DLG2: variants seen among roughly 807,000 people sequenced by gnomAD.
DLG2 encodes the protein disks large homolog 2.
A neutral mutation model predicts 132.5 loss-of-function variants in DLG2; 45 were observed. That is an observed-to-expected ratio of 0.34 (90% confidence interval 0.27 to 0.44). The LOEUF (loss-of-function observed/expected upper bound fraction) is 0.44, where lower values mean the gene tolerates loss of function less well. Among genes scored for constraint, DLG2 ranks in the 20% least tolerant of loss-of-function variants. DLG2 has a pLI of 1.00. For synonymous variants in DLG2, 424 were observed against 419.6 expected (o/e 1.01, Z -0.13); for missense variants, 1,045 against 1,196.9 (o/e 0.87, Z 1.87).
chr11:84,616,904 T>A (rs1222783366), intron 6 of DLG2, among the ~76,000 whole-genome samples: 1 of 151,908 alleles, frequency 6.6e-6, no homozygotes, highest in Non-Finnish European at 1.5e-5. Flanking sequence ...ACAGGAAAGG[T>A]AAATAATTTT....
At chr11:85,288,139 A>G (rs74397161) in intron 3 of DLG2, among the ~76,000 whole-genome samples, 8,437 of 152,132 alleles carry the variant, frequency 0.055, 271 homozygotes, top group Middle Eastern at 0.16. Flanking sequence ...TGTGTATATT[A>G]TAGATAAATT....
At chr11:84,210,609 T>C (rs1010348809) in intron 8 of DLG2, among the ~76,000 whole-genome samples, 5 of 151,928 alleles carry the variant, frequency 3.3e-5, no homozygotes, top group Non-Finnish European at 4.4e-5. Flanking sequence ...ATGTCTATTA[T>C]TGGGAACATG....
At chr11:85,110,925 T>C (rs958108141) in intron 6 of DLG2, among the ~76,000 whole-genome samples, 1 of 152,122 alleles carries the variant, frequency 6.6e-6, no homozygotes, top group African/African-American at 2.4e-5. Context: ...GCTAAACTCA[T>C]TTACAGTACA....
intron 18 of DLG2, among the ~76,000 whole-genome samples, chr11:83,691,799 A>T (rs2081053381): frequency 6.6e-6 from 1 of 151,972 alleles, no homozygotes; most frequent in African/African-American, 2.4e-5. Context: ...TGGATACCGA[A>T]AAGTGCAAGT....
At chr11:85,192,979 G>A (rs1401435473) in intron 4 of DLG2, among the ~76,000 whole-genome samples, 2 of 152,158 alleles carry the variant, frequency 1.3e-5, no homozygotes, top group African/African-American at 4.8e-5. Context: ...CCTTTCTGAA[G>A]TGTACAACTT....
chr11:85,307,942 G>T (rs2080060693), intron 3 of DLG2, among the ~76,000 whole-genome samples: 1 of 152,104 alleles, frequency 6.6e-6, no homozygotes, highest in African/African-American at 2.4e-5. Context: ...ATCACTTGCA[G>T]TCAGGAGTTC....
At chr11:83,641,801 C>T (rs1008860719) in intron 18 of DLG2, among the ~76,000 whole-genome samples, 11 of 151,756 alleles carry the variant, frequency 7.2e-5, no homozygotes, top group African/African-American at 2.4e-4. Flanking sequence ...GAAGTGGTGA[C>T]GTGGAATTTT....
intron 6 of DLG2, among the ~76,000 whole-genome samples, chr11:84,937,472 A>G (rs572933596): frequency 1.2e-4 from 18 of 152,232 alleles, no homozygotes; most frequent in Admixed American, 7.8e-4. Context: ...TAAAAGATAT[A>G]TAAGTCAACT....
intron 5 of DLG2, among the ~76,000 whole-genome samples, chr11:85,141,190 G>A (rs1222253297): frequency 6.6e-6 from 1 of 151,812 alleles, no homozygotes; most frequent in Non-Finnish European, 1.5e-5. Flanking sequence ...CATAAACAGT[G>A]TATGAGGGTT....
Position 83,555,836 on chromosome 11 carries a change from T to C in DLG2, c.1941-13978A>G, listed in dbSNP as rs76082322. ...AAATGAAGAAAATCTTCTCTTCTTT[T>C]ATTGATATCATGACATCTCTAAACC... is the stretch of plus-strand genomic sequence containing the variant. On this transcript the variant is annotated intron_variant, in intron 19 of 27. Coordinates refer to ENST00000376104, the MANE Select transcript of DLG2 (RefSeq NM_001142699.3). Among the ~76,000 whole-genome samples the C allele has an allele frequency of 6.5e-3, 985 of 152,348 alleles. 7 individuals carry two copies. Among genetic ancestry groups the C allele is most frequent in the African/African-American group, 0.021 (878 of 41,574 alleles).
At chr11:83,956,131 C>G (rs1317459483) in intron 14 of DLG2, among the ~76,000 whole-genome samples, 1 of 152,200 alleles carries the variant, frequency 6.6e-6, no homozygotes, top group Admixed American at 6.5e-5. Context: ...CCTGTCCCCT[C>G]TCTAGCTCCC....
rs376163788 is a variant in DLG2, at chr11:84,014,451, T to A, written c.920-33809A>T. Among the ~76,000 whole-genome samples the A allele has an allele frequency of 3.3e-5, 5 of 152,198 alleles. No individual in the cohort carries two copies. In the East Asian group the frequency reaches 9.6e-4, roughly 29 times the overall value. On this transcript the variant is annotated intron_variant, in intron 11 of 27. Coordinates refer to ENST00000376104, the MANE Select transcript of DLG2 (RefSeq NM_001142699.3). ...TTAAATAAAAATAGGCAATTTAATA[T>A]ACATTAATGTTTTAAATGAAAATAA...
chr11:85,040,993 A>G (rs1206404622), intron 6 of DLG2, among the ~76,000 whole-genome samples: 1 of 151,868 alleles, frequency 6.6e-6, no homozygotes, highest in African/African-American at 2.4e-5. Context: ...TAACTATTAC[A>G]TTATATTGCC....
chr11:83,488,624 C>T (rs1565439953), intron 21 of DLG2, among the ~76,000 whole-genome samples: 1 of 151,932 alleles, frequency 6.6e-6, no homozygotes, highest in East Asian at 1.9e-4. Context: ...ATTTCTCAAG[C>T]TTTAAAAAAG....
intron 7 of DLG2, among the ~76,000 whole-genome samples, chr11:84,428,868 G>C (rs1200552501): frequency 6.6e-6 from 1 of 152,184 alleles, no homozygotes; most frequent in Non-Finnish European, 1.5e-5. Flanking sequence ...GATATGGCAT[G>C]TGGGATAAGG....
At chr11:83,884,906 C>G (rs1211855987) in intron 15 of DLG2, among the ~76,000 whole-genome samples, 3 of 152,168 alleles carry the variant, frequency 2.0e-5, no homozygotes, top group Admixed American at 6.5e-5. Context: ...AGAAGGAAAA[C>G]TAACAAACAG....
At chr11:84,898,004 T>C (rs895213565) in intron 6 of DLG2, among the ~76,000 whole-genome samples, 2 of 151,912 alleles carry the variant, frequency 1.3e-5, no homozygotes, top group African/African-American at 4.8e-5. Context: ...GCAAACTTGA[T>C]GGTAGGTAAG....
At chr11:85,548,964 C>T (rs543203653) in intron 3 of DLG2, among the ~76,000 whole-genome samples, 1 of 152,096 alleles carries the variant, frequency 6.6e-6, no homozygotes, top group Admixed American at 6.5e-5. Flanking sequence ...CCACTTGGCT[C>T]CCTGGCTTCA....
At chr11:84,610,716 T>A (rs571672216) in intron 6 of DLG2, among the ~76,000 whole-genome samples, 80 of 152,232 alleles carry the variant, frequency 5.3e-4, no homozygotes, top group African/African-American at 1.9e-3. Flanking sequence ...CTTTATAGCT[T>A]CAGCCTATTC....
Sources: gnomAD v4.1 joint callset for allele counts (sites outside exome capture counted in the v4.1 genomes callset) on GRCh38, gnomAD v4.1.1 for gene constraint, MANE v1.5 for transcripts, NCBI Gene and HGNC (gene_info 2026-07-23, HGNC 2026-07-21) for gene names.